The following ACACA variants were observed in gnomAD, a reference collection of about 807,000 sequenced individuals.
ACACA encodes acetyl-CoA carboxylase 1.
Under a neutral mutation model 296.1 loss-of-function variants are expected in ACACA, and 103 were observed. The observed-to-expected ratio is 0.35, with a 90% CI of 0.30 to 0.41. The LOEUF is 0.41. Among genes scored for constraint, ACACA ranks in the 10% least tolerant of loss-of-function variants. ACACA has a pLI of 1.00. For missense variants in ACACA, 1,554 were observed against 2,989.7 expected (o/e 0.52, Z 11.20); for synonymous variants, 953 against 1,038.6 (o/e 0.92, Z 1.58).
chr17:37,194,504 C>T (rs571356502), intron 35 of ACACA, among the ~76,000 whole-genome samples: 1 of 152,244 alleles, frequency 6.6e-6, no homozygotes, highest in East Asian at 1.9e-4. Flanking sequence ...CTCTCTAGTG[C>T]CAGAGCCCAT....
At chr17:37,102,528 A>G (rs891482855) in intron 52 of ACACA, among the ~76,000 whole-genome samples, 2 of 152,186 alleles carry the variant, frequency 1.3e-5, no homozygotes, top group Non-Finnish European at 1.5e-5. Context: ...TGGCAAAGTC[A>G]GGATTTACAC....
At chr17:37,143,204 C>T (rs1041112426) in intron 45 of ACACA, among the ~76,000 whole-genome samples, 1 of 133,000 alleles carries the variant, frequency 7.5e-6, no homozygotes, top group African/African-American at 3.4e-5. Context: ...ATGCTCATAA[C>T]ATCTTTTTTT....
chr17:37,261,977 G>C (rs974530274), intron 11 of ACACA, among the ~76,000 whole-genome samples: 3 of 152,030 alleles, frequency 2.0e-5, no homozygotes, highest in Admixed American at 6.5e-5. Context: ...TAATGGAGAA[G>C]AATATACATC....
intron 45 of ACACA, chr17:37,144,035 T>C (rs2075712017): frequency 1.3e-6 from 1 of 771,284 alleles, no homozygotes; most frequent in African/African-American, 1.7e-5. Context: ...TCCCTGAACT[T>C]CTTTTTTGTC....
In ACACA at chr17:37,115,677, A is replaced by G. The variant is rs571388983; in HGVS notation, c.6275-2412T>C. On this transcript the variant is annotated intron_variant, in intron 50 of 55. Transcript: ENST00000616317. ...AAAATGTATTTTCATTCATCTATTAAAAAAATACTAGATTTCATAGTATAT... is the reference window on the plus strand; with the variant it reads ...AAAATGTATTTTCATTCATCTATTAGAAAAATACTAGATTTCATAGTATAT... 5.3e-5 allele frequency among the ~76,000 whole-genome samples: 8 copies of G among 151,916 alleles called. No individual in the cohort carries two copies. The East Asian group carries it at 1.5e-3, about 29-fold the overall frequency.
intron 45 of ACACA, among the ~76,000 whole-genome samples, chr17:37,130,816 C>A (rs767166357): frequency 1.3e-5 from 2 of 152,046 alleles, no homozygotes; most frequent in Non-Finnish European, 2.9e-5. Context: ...TGTCTTTCAA[C>A]AATATTTAGT....
At chr17:37,323,005 G>A (rs969607260) in intron 3 of ACACA, among the ~76,000 whole-genome samples, 4 of 152,260 alleles carry the variant, frequency 2.6e-5, no homozygotes, top group Non-Finnish European at 4.4e-5. Flanking sequence ...CTGGCCCTCT[G>A]CCCTTGCAAT....
Position 37,151,385 on chromosome 17 carries a change from T to C in ACACA, c.5484A>G (p.Gly1828=). ...AACCTCGAAGGTTCTCGGGTCCAATTCCCTCTTCTTTCCCAATAATATCTG... is the reference window on the plus strand; with the variant it reads ...AACCTCGAAGGTTCTCGGGTCCAATCCCCTCTTCTTTCCCAATAATATCTG... ...KITDIIGKEE[G]IGPENLRGSG... Residue 1828 remains glycine, a synonymous_variant, in exon 44 of 56, where the codon GGA becomes GGG. Transcript: ENST00000616317. 6.2e-7 allele frequency: 1 copy of C among 1,613,954 alleles called. No individual in the cohort carries two copies. Among genetic ancestry groups the C allele is most frequent in the Non-Finnish European group, 8.5e-7 (1 of 1,179,924 alleles).
rs9896459 is a variant in ACACA, at chr17:37,304,521, G to A, written c.339-19551C>T. Among the ~76,000 whole-genome samples, 1,463 of 152,226 alleles carry A rather than the reference G, an allele frequency of 9.6e-3. 21 individuals are homozygous for A. The highest frequency in any genetic ancestry group is 0.033 in the African/African-American group (1,388 of 41,530). On this transcript the variant is annotated intron_variant, in intron 3 of 55. Transcript: ENST00000616317. ...AAAAACAGTATTTAAGGGGCCAGGC[G>A]CGGTGGCTCATGCCTATAATCCCAG... is the stretch of plus-strand genomic sequence containing the variant.
chr17:37,191,627 T>C (rs1343040544), intron 37 of ACACA, among the ~76,000 whole-genome samples: 3 of 152,168 alleles, frequency 2.0e-5, no homozygotes, highest in East Asian at 1.9e-4. Flanking sequence ...GGCTATGGGA[T>C]ATAATAATAA....
At chr17:37,208,736 A>G (rs1332645472) in intron 30 of ACACA, among the ~76,000 whole-genome samples, 3 of 152,218 alleles carry the variant, frequency 2.0e-5, no homozygotes, top group African/African-American at 4.8e-5. Flanking sequence ...ATAATACTGT[A>G]AAGTGTTTCT....
At chr17:37,307,045 GA>G (rs918789236) in intron 3 of ACACA, among the ~76,000 whole-genome samples, 4 of 150,948 alleles carry the variant, frequency 2.6e-5, no homozygotes, top group Non-Finnish European at 4.4e-5. Flanking sequence ...CGAATTTATG[GA>G]AAAAAAAATT....
At chr17:37,300,462 C>T (rs775161481) in intron 3 of ACACA, among the ~76,000 whole-genome samples, 2 of 152,134 alleles carry the variant, frequency 1.3e-5, no homozygotes, top group Non-Finnish European at 2.9e-5. Flanking sequence ...CAGGACTGTA[C>T]ACCAAATCTA....
intron 33 of ACACA, among the ~76,000 whole-genome samples, chr17:37,203,888 A>G (rs576951676): frequency 2.6e-5 from 4 of 152,362 alleles, no homozygotes; most frequent in East Asian, 1.9e-4. Flanking sequence ...AGCCCTAGGC[A>G]TATCCCCTAC....
intron 41 of ACACA, among the ~76,000 whole-genome samples, chr17:37,176,869 C>T (rs797009658): frequency 5.9e-5 from 9 of 152,274 alleles, no homozygotes; most frequent in African/African-American, 1.7e-4. Flanking sequence ...ACTTCACCAG[C>T]CATCCTGGGC....
chr17:37,162,411 T>C (rs1292933927), intron 41 of ACACA, among the ~76,000 whole-genome samples: 1 of 152,134 alleles, frequency 6.6e-6, no homozygotes, highest in African/African-American at 2.4e-5. Flanking sequence ...GACACTGATA[T>C]GGTTTGGATG....
Position 37,185,402 on chromosome 17 carries a change from CTTTTTTTT to C in ACACA, c.4776+2867_4776+2874del, listed in dbSNP as rs67821579. ...TGCATGACACCATGCCTGGCTATTT[CTTTTTTTT>C]TTTTTTTTTTTTTTTTTTTTGGTAG... On this transcript the variant is annotated intron_variant, in intron 39 of 55. Coordinates refer to ENST00000616317, the MANE Select transcript of ACACA (RefSeq NM_198834.3). Among the ~76,000 whole-genome samples the C allele has an allele frequency of 4.5e-4, 22 of 48,436 alleles. 1 individual carries two copies. The highest frequency in any genetic ancestry group is 2.0e-3 in the African/African-American group (22 of 10,844). The allele number at this position is 48,436 out of a possible 152,430, so 31.8% of individuals were successfully genotyped here. A position where few individuals can be genotyped will look rare whatever the true frequency, so the allele number is the denominator to read the frequency against.
rs369843276 is a variant in ACACA, at chr17:37,107,107, C to T, written c.6565+4424G>A. 7.9e-5 allele frequency among the ~76,000 whole-genome samples: 12 copies of T among 152,202 alleles called. 1 individual carries two copies. In the South Asian group the frequency reaches 2.5e-3, roughly 32 times the overall value. On this transcript the variant is annotated intron_variant, in intron 52 of 55. Transcript: ENST00000616317. Reference sequence around the variant, plus strand: ...GTGTTATTTCTCATCAGCCTCCTTACCGCAAAGGACACAGTGGCCATAGTG... The same window carrying T: ...GTGTTATTTCTCATCAGCCTCCTTATCGCAAAGGACACAGTGGCCATAGTG...
In ACACA at chr17:37,130,267, G is replaced by C. The variant is rs747165200; in HGVS notation, c.5680-49C>G. On this transcript the variant is annotated intron_variant, in intron 45 of 55. Coordinates refer to ENST00000616317, the MANE Select transcript of ACACA (RefSeq NM_198834.3). ...GACATTTGTCTCTATAGAAATAAAGGCATGGTCGATTTCACAAGTCGCACT... is the reference window on the plus strand; with the variant it reads ...GACATTTGTCTCTATAGAAATAAAGCCATGGTCGATTTCACAAGTCGCACT... 1.8e-5 allele frequency: 29 copies of C among 1,608,310 alleles called. No individual in the cohort carries two copies. In the South Asian group the frequency reaches 3.0e-4, roughly 16 times the overall value.
Sources: gnomAD v4.1 joint callset for allele counts (sites outside exome capture counted in the v4.1 genomes callset) on GRCh38, gnomAD v4.1.1 for gene constraint, MANE v1.5 for transcripts, NCBI Gene and HGNC (gene_info 2026-07-23, HGNC 2026-07-21) for gene names.